Variants in CCDC102B observed in about 807,000 individuals in gnomAD.
CCDC102B encodes coiled-coil domain containing 102B.
A neutral mutation model predicts 57.4 loss-of-function variants in CCDC102B; 75 were observed. The ratio of observed to expected loss-of-function variants is 1.31; its 90% CI spans 1.08 to 1.58. The LOEUF (loss-of-function observed/expected upper bound fraction) is 1.58, where lower values mean the gene tolerates loss of function less well. Ranked by LOEUF, CCDC102B falls within the 40% of genes most tolerant of loss-of-function variation. The probability of loss-of-function intolerance (pLI) is 0.00; values close to 1 mark genes in which losing one functional copy is unlikely to be tolerated. For synonymous variants in CCDC102B, 206 were observed against 201.9 expected, an observed-to-expected ratio of 1.02 and a Z score of -0.17; for missense variants, 636 against 582.6, an observed-to-expected ratio of 1.09 and a Z score of -0.94.
At chr18:68,742,910 G>A (rs2145226551) in intron 2 of CCDC102B, among the ~76,000 whole-genome samples, 2 of 152,232 alleles carry the variant, frequency 1.3e-5, no homozygotes, top group Middle Eastern at 6.8e-3. Context: ...TGTATTTCTG[G>A]GGATGCCTGG....
intron 4 of CCDC102B, among the ~76,000 whole-genome samples, chr18:68,864,470 T>C (rs750655255): frequency 5.9e-5 from 9 of 151,974 alleles, no homozygotes; most frequent in Admixed American, 3.3e-4. Context: ...AGTGTAATGA[T>C]TTTTTCTTTT....
At chr18:69,010,399 T>C (rs2051482077) in intron 6 of CCDC102B, among the ~76,000 whole-genome samples, 2 of 152,186 alleles carry the variant, frequency 1.3e-5, no homozygotes, top group Admixed American at 1.3e-4. Context: ...TGCAGTCTAA[T>C]CATCCTATGA....
At chr18:68,823,741 T>C (rs1347910151) in intron 1 of CCDC102B, among the ~76,000 whole-genome samples, 1 of 152,190 alleles carries the variant, frequency 6.6e-6, no homozygotes, top group Non-Finnish European at 1.5e-5. Context: ...TTTTTAATAA[T>C]GGCCATTCTA....
At chr18:68,822,714 G>T (rs918999600) in intron 1 of CCDC102B, among the ~76,000 whole-genome samples, 1 of 152,156 alleles carries the variant, frequency 6.6e-6, no homozygotes, top group Non-Finnish European at 1.5e-5. Context: ...ACTTTAAAGT[G>T]AGAACATGCG....
rs192885621 is a variant in CCDC102B, at chr18:68,982,185, C to T, written c.1264-28749C>T. 3.0e-3 allele frequency among the ~76,000 whole-genome samples: 454 copies of T among 151,892 alleles called. 1 individual carries two copies. Among genetic ancestry groups the T allele is most frequent in the African/African-American group, 0.01 (422 of 41,484 alleles). On this transcript the variant is annotated intron_variant, in intron 6 of 7. Transcript: ENST00000360242. ...TCTGATTAAAGCATATGACACTTAA[C>T]TGCTGTAGTTCAAAACTTTCAAAAG...
chr18:68,891,226 T>G (rs1281700600), intron 5 of CCDC102B, among the ~76,000 whole-genome samples: 2 of 152,234 alleles, frequency 1.3e-5, no homozygotes, highest in Non-Finnish European at 2.9e-5. Context: ...TGCAATCCTT[T>G]TTGCTCTGAA....
chr18:68,915,224 C>G (rs1287359365), intron 6 of CCDC102B, among the ~76,000 whole-genome samples: 1 of 152,184 alleles, frequency 6.6e-6, no homozygotes, highest in African/African-American at 2.4e-5. Flanking sequence ...TTGGCCTTGA[C>G]AGCATGTGCA....
chr18:68,965,191 A>G lies in CCDC102B; in HGVS notation c.1264-45743A>G, dbSNP rs540329725. 3.3e-5 allele frequency among the ~76,000 whole-genome samples: 5 copies of G among 152,066 alleles called. No individual in the cohort carries two copies. The South Asian group carries it at 1.0e-3, about 31-fold the overall frequency. ...TCCTTCTAGGACTCCAATGAAATGA[A>G]TATTAGACCTTTTAGGCTAGTCCCA... On this transcript the variant is annotated intron_variant, in intron 6 of 7. Transcript: ENST00000360242.
At chr18:69,026,457 C>CAAA (rs547625543) in intron 7 of CCDC102B, among the ~76,000 whole-genome samples, 4,095 of 74,796 alleles carry the variant, frequency 0.055, 252 homozygotes, top group African/African-American at 0.17. Context: ...AACCCTGTCT[C>CAAA]AAAAAAAAAA....
chr18:68,840,028 A>C (rs1193810959), intron 3 of CCDC102B, among the ~76,000 whole-genome samples: 2 of 152,216 alleles, frequency 1.3e-5, no homozygotes, highest in Non-Finnish European at 2.9e-5. Flanking sequence ...CATAAAGATC[A>C]AGAACAAATA....
At position 68,943,843 on chromosome 18, in the gene CCDC102B, A is replaced by C. The variant is rs556401062; in HGVS notation, c.1263+46415A>C. Among the ~76,000 whole-genome samples, 249 of 152,302 alleles carry C rather than the reference A, an allele frequency of 1.6e-3. 2 individuals carry two copies. The highest frequency in any genetic ancestry group is 5.7e-3 in the African/African-American group (239 of 41,580). Reference sequence around the variant, plus strand: ...GTTTAGGAAGCGGAGGGGAACTCAAATGCAATAATTCTACAGACGTAAAAA... The same window carrying C: ...GTTTAGGAAGCGGAGGGGAACTCAACTGCAATAATTCTACAGACGTAAAAA... On this transcript the variant is annotated intron_variant, in intron 6 of 7. Coordinates refer to ENST00000360242, the MANE Select transcript of CCDC102B (RefSeq NM_024781.3).
At chr18:68,808,009 CTT>C (rs887694158) in intron 1 of CCDC102B, among the ~76,000 whole-genome samples, 14 of 151,978 alleles carry the variant, frequency 9.2e-5, no homozygotes, top group African/African-American at 3.1e-4. Flanking sequence ...CAAAAGCTAA[CTT>C]TTTTTTCTTA....
intron 2 of CCDC102B, among the ~76,000 whole-genome samples, chr18:68,748,268 G>C (rs995101572): frequency 2.7e-5 from 4 of 146,288 alleles, no homozygotes; most frequent in African/African-American, 5.0e-5. Context: ...TTGCTATTGA[G>C]TTGTAGAATT....
intron 2 of CCDC102B, among the ~76,000 whole-genome samples, chr18:68,763,983 A>ATAAGAACT (rs1379560561): frequency 6.6e-6 from 1 of 152,128 alleles, no homozygotes; most frequent in Admixed American, 6.6e-5. Flanking sequence ...TCATAGCTTC[A>ATAAGAACT]TAAGAACTCC....
At chr18:69,015,287 C>A (rs1323873983) in intron 7 of CCDC102B, among the ~76,000 whole-genome samples, 2 of 152,182 alleles carry the variant, frequency 1.3e-5, no homozygotes, top group African/African-American at 4.8e-5. Context: ...CCACAGAAGA[C>A]TGACCCAAAG....
chr18:68,793,176 T>C (rs1240514211), upstream of CCDC102B, among the ~76,000 whole-genome samples: 3 of 152,176 alleles, frequency 2.0e-5, no homozygotes, highest in Non-Finnish European at 4.4e-5. Flanking sequence ...CTAGTACATT[T>C]CAATCAAAAC....
chr18:69,016,026 CTTT>C (rs68178005), intron 7 of CCDC102B, among the ~76,000 whole-genome samples: 36 of 128,918 alleles, frequency 2.8e-4, no homozygotes, highest in Admixed American at 5.5e-4. Context: ...GGCTAATTTT[CTTT>C]TTTTTTTTTT....
chr18:69,037,766 G>T (rs902471519), intron 7 of CCDC102B, among the ~76,000 whole-genome samples: 11 of 152,068 alleles, frequency 7.2e-5, no homozygotes, highest in African/African-American at 2.7e-4. Context: ...GATAGAAGGT[G>T]AGAGAAGACA....
intron 6 of CCDC102B, among the ~76,000 whole-genome samples, chr18:68,994,796 G>A (rs958110801): frequency 6.6e-6 from 1 of 152,190 alleles, no homozygotes; most frequent in African/African-American, 2.4e-5. Context: ...GTCTCAGACA[G>A]TTCTTTATAG....
Sources: allele counts gnomAD v4.1 joint callset (sites outside exome capture counted in the v4.1 genomes callset), GRCh38; gene constraint gnomAD v4.1.1; transcripts MANE v1.5; gene names NCBI Gene and HGNC (gene_info 2026-07-23, HGNC 2026-07-21).